The following TTLL4 variants were observed in gnomAD, a reference collection of about 807,000 sequenced individuals.
TTLL4 encodes tubulin monoglutamylase TTLL4.
TTLL4 carries 85 observed loss-of-function variants against 122.7 expected under a neutral mutation model. That is an observed-to-expected ratio of 0.69 (90% CI 0.58 to 0.83). The LOEUF is 0.83. Among genes scored for constraint, TTLL4 ranks in the 40% least tolerant of loss-of-function variants. TTLL4 has a pLI of 0.00. For missense variants in TTLL4, 1,363 were observed against 1,488.6 expected (o/e 0.92, Z 1.39); for synonymous variants, 553 against 563.0 (o/e 0.98, Z 0.25).
At chr2:218,726,622 C>T (rs1201966932) in intron 1 of TTLL4, among the ~76,000 whole-genome samples, 1 of 151,816 alleles carries the variant, frequency 6.6e-6, no homozygotes, top group Non-Finnish European at 1.5e-5. Flanking sequence ...TGTGCCACCA[C>T]ATCCAGCTAA....
At chr2:218,721,511 C>T (rs776123007) in intron 1 of TTLL4, among the ~76,000 whole-genome samples, 5 of 152,194 alleles carry the variant, frequency 3.3e-5, no homozygotes, top group Non-Finnish European at 7.3e-5. Flanking sequence ...TAAATAGTGT[C>T]AGAATTGAAT....
chr2:218,725,265 C>T (rs368832678), intron 1 of TTLL4, among the ~76,000 whole-genome samples: 3 of 152,134 alleles, frequency 2.0e-5, no homozygotes, highest in East Asian at 1.9e-4. Flanking sequence ...TGTCCCCTAG[C>T]GTGGAATGCA....
chr2:218,729,655 T>G (rs1942300444), intron 2 of TTLL4, among the ~76,000 whole-genome samples: 1 of 151,954 alleles, frequency 6.6e-6, no homozygotes, highest in South Asian at 2.1e-4. Context: ...GTGTATTGAT[T>G]GTGTATTCTG....
At chr2:218,748,467 C>A (rs954016789) in intron 12 of TTLL4, 3 of 537,526 alleles carry the variant, frequency 5.6e-6, no homozygotes, top group Non-Finnish European at 9.3e-6. Flanking sequence ...CCAGCCTGGC[C>A]AACATGGCGA....
At chr2:218,751,205 C>T (rs1943005172) in intron 15 of TTLL4, among the ~76,000 whole-genome samples, 1 of 152,116 alleles carries the variant, frequency 6.6e-6, no homozygotes, top group African/African-American at 2.4e-5. Flanking sequence ...CCCACAAGCT[C>T]CTTGGGGGCA....
In TTLL4 at chr2:218,738,825, G is replaced by A. The variant is rs756961296; in HGVS notation, c.1149G>A (p.Ala383=). 8 of 1,614,058 alleles carry A rather than the reference G, an allele frequency of 5.0e-6. No individual in the cohort carries two copies. The East Asian group carries it at 8.9e-5, about 18-fold the overall frequency. ...GGAGCAGGCGGTGGAAACCTCCTGC[G>A]GTAAATCAGCAGTTTCCTCAGGAGG... ...LNRSRRWKPP[A]VNQQFPQEDA... The change falls in exon 3 of 20, where the codon GCG becomes GCA. Residue 383 remains alanine, a synonymous_variant. Transcript: ENST00000392102.
chr2:218,739,507 C>G (rs1045049258), intron 3 of TTLL4, among the ~76,000 whole-genome samples: 1 of 152,178 alleles, frequency 6.6e-6, no homozygotes, highest in Non-Finnish European at 1.5e-5. Flanking sequence ...AGAAAGAGTT[C>G]GCCAACCCCT....
intron 8 of TTLL4, chr2:218,746,520 A>G: frequency 4.3e-6 from 2 of 466,874 alleles, no homozygotes; most frequent in Admixed American, 3.4e-5. Context: ...GAAATCCTGC[A>G]GTTGCAGCTT....
intron 2 of TTLL4, among the ~76,000 whole-genome samples, chr2:218,735,696 A>G (rs1417556456): frequency 2.0e-5 from 3 of 151,366 alleles, no homozygotes; most frequent in African/African-American, 4.9e-5. Context: ...TTTTTGAGAC[A>G]GAGTCTCACT....
Position 218,752,983 on chromosome 2 carries a change from C to T in TTLL4, c.3187+10C>T, listed in dbSNP as rs1368114162. 6.2e-7 allele frequency: 1 copy of T among 1,614,102 alleles called. No homozygotes were observed. Among genetic ancestry groups the T allele is most frequent in the East Asian group, 2.2e-5 (1 of 44,890 alleles). ...GGCAACAAGCTTAAAGGTGATGTGC[C>T]CTCCCTGCCCTCAGAAAGCCAAGTT... On this transcript the variant is annotated intron_variant, in intron 17 of 19. Coordinates refer to ENST00000392102, the MANE Select transcript of TTLL4 (RefSeq NM_014640.5).
Position 218,737,619 on chromosome 2 carries a change from G to C in TTLL4, c.-58G>C, listed in dbSNP as rs1942563262. On this transcript the variant is annotated 5_prime_UTR_variant, in exon 3 of 20. Coordinates refer to ENST00000392102, the MANE Select transcript of TTLL4 (RefSeq NM_014640.5). ...GGATGCAGCTGCTACTACCGGAGGT[G>C]TGTGGCACCTTACCTCAGCAAGGCC... is the stretch of plus-strand genomic sequence containing the variant. 6.6e-7 allele frequency: 1 copy of C among 1,517,510 alleles called. No individual in the cohort carries two copies. The highest frequency in any genetic ancestry group is 1.4e-5 in the African/African-American group (1 of 71,858). 94.0% of individuals were successfully genotyped at this position (1,517,510 alleles called of 1,614,324 possible). A position where few individuals can be genotyped will look rare whatever the true frequency, so the allele number is the denominator to read the frequency against.
At chr2:218,756,864 G>T (rs954380243), downstream of TTLL4, among the ~76,000 whole-genome samples, 2 of 152,134 alleles carry the variant, frequency 1.3e-5, no homozygotes, top group African/African-American at 4.8e-5. Context: ...AGTCACTGCT[G>T]TTTACTTTGC....
At chr2:218,753,271 G>GT in intron 18 of TTLL4, 86 bp downstream of exon 18, 1 of 1,414,880 alleles carries the variant, frequency 7.1e-7, no homozygotes, top group Non-Finnish European at 1.0e-6. Flanking sequence ...GGGTTGGTAT[G>GT]TATAGGCCTC....
chr2:218,725,821 G>A (rs1360832006), intron 1 of TTLL4, among the ~76,000 whole-genome samples: 1 of 152,176 alleles, frequency 6.6e-6, no homozygotes, highest in Non-Finnish European at 1.5e-5. Context: ...CTCCCAAGGT[G>A]CTGGGATTAC....
chr2:218,717,003 T>C (rs986345364), intron 1 of TTLL4, among the ~76,000 whole-genome samples: 18 of 152,104 alleles, frequency 1.2e-4, no homozygotes, highest in Non-Finnish European at 2.4e-4. Context: ...TTTTTTCTTT[T>C]TCTTTTTTTT....
chr2:218,750,097 GCAGAGGATAT>G lies in TTLL4; in HGVS notation c.2827_2836del (p.Glu943PhefsTer34). On this transcript the variant is annotated frameshift_variant, in exon 15 of 20. Coordinates refer to ENST00000392102, the MANE Select transcript of TTLL4 (RefSeq NM_014640.5). LOFTEE classifies it high-confidence loss of function. ...TCTGGCAGGTTTTGTCCTGCCCAAT[GCAGAGGATAT>G]CATTTCCAGCCCCAGCAGCTGCAGC... 6.2e-7 allele frequency: 1 copy of G among 1,614,048 alleles called. No individual in the cohort carries two copies.
In TTLL4 at chr2:218,740,226, G is replaced by C. The variant is rs1942661866; in HGVS notation, c.1597+59G>C. 2.0e-6 allele frequency: 3 copies of C among 1,531,130 alleles called. No homozygotes were observed. In the African/African-American group the frequency reaches 4.1e-5, roughly 21 times the overall value. The allele number at this position is 1,531,130 out of a possible 1,614,324, so 94.8% of individuals were successfully genotyped here. On this transcript the variant is annotated intron_variant, in intron 4 of 19. Transcript: ENST00000392102. ...GTTGGTTATGACCTGTTGGGCAGGG[G>C]GCTGACAATTGTGTACTAGGTCCTT... is the stretch of plus-strand genomic sequence containing the variant.
At chr2:218,713,740 G>A (rs1158804327) in intron 1 of TTLL4, among the ~76,000 whole-genome samples, 1 of 152,210 alleles carries the variant, frequency 6.6e-6, no homozygotes, top group Non-Finnish European at 1.5e-5. Flanking sequence ...GTGTCAATAT[G>A]TTGGTTGAAT....
chr2:218,718,480 G>A (rs1941934238), intron 1 of TTLL4, among the ~76,000 whole-genome samples: 1 of 151,930 alleles, frequency 6.6e-6, no homozygotes, highest in Non-Finnish European at 1.5e-5. Context: ...CCAGGTTCAA[G>A]CGATTCTCCT....
Sources: allele counts gnomAD v4.1 joint callset (sites outside exome capture counted in the v4.1 genomes callset), GRCh38; gene constraint gnomAD v4.1.1; transcripts MANE v1.5; gene names NCBI Gene and HGNC (gene_info 2026-07-23, HGNC 2026-07-21).